The following RNF122 variants were observed in gnomAD, a reference collection of about 807,000 sequenced individuals.
RNF122 encodes the protein ring finger protein 122.
Under a neutral mutation model 24.2 loss-of-function variants are expected in RNF122, and 17 were observed. The ratio of observed to expected loss-of-function variants is 0.70; its 90% CI spans 0.48 to 1.06. The LOEUF (loss-of-function observed/expected upper bound fraction) is 1.06. RNF122 is among the 50% of genes least tolerant of loss of function. The pLI is 0.00. For missense variants in RNF122, 168 were observed against 198.1 expected, an observed-to-expected ratio of 0.85 and a Z score of 0.91; for synonymous variants, 65 against 71.8, an observed-to-expected ratio of 0.91 and a Z score of 0.48.
chr8:33,550,705 C>T (rs1263829908), intron 4 of RNF122, among the ~76,000 whole-genome samples: 1 of 152,040 alleles, frequency 6.6e-6, no homozygotes, highest in Non-Finnish European at 1.5e-5. Context: ...GATGTAGGGG[C>T]TGAACATAGG....
intron 2 of RNF122, among the ~76,000 whole-genome samples, chr8:33,557,318 C>T (rs998494459): frequency 6.6e-6 from 1 of 152,132 alleles, no homozygotes; most frequent in Middle Eastern, 3.2e-3. Context: ...CAGTCATGCT[C>T]AAAATTTTTT....
chr8:33,549,575 G>C, intron 4 of RNF122, 83 bp from the exon 5 acceptor site: 1 of 1,040,894 alleles, frequency 9.6e-7, no homozygotes, highest in Non-Finnish European at 1.5e-6. Context: ...CTAAGCTCTA[G>C]CCTAGTCTGT....
In RNF122 at chr8:33,566,575, CT is replaced by C. The variant is rs2128841261; in HGVS notation, c.25+123del. ...GTGGGGCGCCAAGACGCCTTCTCGACTGTCCCATTTCAGGAGAAACTTGGTT... is the reference window on the plus strand; with the variant it reads ...GTGGGGCGCCAAGACGCCTTCTCGACGTCCCATTTCAGGAGAAACTTGGTT... On this transcript the variant is annotated intron_variant, in intron 1 of 5. Transcript: ENST00000256257. 3 of 989,768 alleles carry C rather than the reference CT, an allele frequency of 3.0e-6. No homozygotes were observed. The East Asian group carries it at 7.9e-5, about 26-fold the overall frequency. The allele number at this position is 989,768 out of a possible 1,614,324, so 61.3% of individuals were successfully genotyped here.
chr8:33,555,043 G>A (rs1233852689), intron 2 of RNF122, among the ~76,000 whole-genome samples: 4 of 152,176 alleles, frequency 2.6e-5, no homozygotes, highest in Non-Finnish European at 4.4e-5. Context: ...CTGAGACTGT[G>A]AAACTCCAGG....
intron 2 of RNF122, among the ~76,000 whole-genome samples, chr8:33,556,104 C>G (rs191871886): frequency 7.1e-6 from 1 of 140,920 alleles, no homozygotes; most frequent in South Asian, 2.3e-4. Context: ...GGCTTGGGCC[C>G]GGGAGGTGGA....
intron 1 of RNF122, among the ~76,000 whole-genome samples, chr8:33,565,102 AG>A (rs201085751): frequency 0.014 from 2,120 of 152,258 alleles, 50 homozygotes; most frequent in African/African-American, 0.048. Flanking sequence ...AAGAAAGACC[AG>A]GGGATCTGGG....
chr8:33,561,025 G>A (rs570600374), intron 1 of RNF122, among the ~76,000 whole-genome samples: 3 of 152,136 alleles, frequency 2.0e-5, no homozygotes, highest in African/African-American at 7.2e-5. Flanking sequence ...AGGGAGAGCT[G>A]GAATTTGCTG....
chr8:33,553,152 T>TA (rs1243800648), intron 2 of RNF122, among the ~76,000 whole-genome samples: 2 of 151,430 alleles, frequency 1.3e-5, no homozygotes, highest in Admixed American at 1.3e-4. Flanking sequence ...TGATCACTTC[T>TA]AAACACAGTC....
At chr8:33,562,934 A>G (rs1233870596) in intron 1 of RNF122, among the ~76,000 whole-genome samples, 4 of 151,814 alleles carry the variant, frequency 2.6e-5, no homozygotes, top group Non-Finnish European at 5.9e-5. Context: ...TAAACAAAAC[A>G]AAACAAAAAA....
intron 5 of RNF122, 120 bp downstream of exon 5, chr8:33,549,290 G>A (rs1004051704): frequency 3.2e-5 from 25 of 792,586 alleles, no homozygotes; most frequent in East Asian, 5.0e-5. Context: ...CGGTGTTCAC[G>A]TAGGACCTGG....
At chr8:33,559,992 C>T (rs532932927) in intron 1 of RNF122, among the ~76,000 whole-genome samples, 1 of 152,026 alleles carries the variant, frequency 6.6e-6, no homozygotes, top group Non-Finnish European at 1.5e-5. Flanking sequence ...TAGGCGCACG[C>T]CACCATGCCC....
Position 33,548,816 on chromosome 8 carries a change from C to T in RNF122, c.405G>A (p.Lys135=). 1 of 1,614,050 alleles carries T rather than the reference C, an allele frequency of 6.2e-7. No homozygotes were observed. Among genetic ancestry groups the T allele is most frequent in the Non-Finnish European group, 8.5e-7 (1 of 1,180,002 alleles). The change falls in exon 6 of 6, where the codon AAG becomes AAA. Residue 135 remains lysine, a synonymous_variant. Coordinates refer to ENST00000256257, the MANE Select transcript of RNF122 (RefSeq NM_024787.3). The part of the protein sequence containing the change: ...EVRCVCPMCN[K]PIASPSEATQ... ...TGGCCTCTGAGGGACTAGCAATGGG[C>T]TTGTTACACATGGGGCAGACACAGC...
At chr8:33,548,954 C>T in intron 5 of RNF122, 87 bp from the exon 6 acceptor site, 1 of 959,444 alleles carries the variant, frequency 1.0e-6, no homozygotes, top group East Asian at 2.4e-5. Flanking sequence ...CCCGTGGTGG[C>T]TCACAACTGT....
chr8:33,556,244 A>C (rs1038750200), intron 2 of RNF122, among the ~76,000 whole-genome samples: 1 of 151,680 alleles, frequency 6.6e-6, no homozygotes, highest in Non-Finnish European at 1.5e-5. Flanking sequence ...TGATTTACGA[A>C]ATGAACTCTG....
At chr8:33,550,919 G>T in intron 4 of RNF122, 125 bp downstream of exon 4, 1 of 857,336 alleles carries the variant, frequency 1.2e-6, no homozygotes, top group Non-Finnish European at 2.0e-6. Flanking sequence ...CCATTATTTG[G>T]CCAAAGGAGA....
intron 1 of RNF122, among the ~76,000 whole-genome samples, chr8:33,564,763 T>G (rs1810595979): frequency 6.6e-6 from 1 of 151,864 alleles, no homozygotes; most frequent in African/African-American, 2.4e-5. Flanking sequence ...TCCCAGGTAC[T>G]CGGGAAGCTG....
At position 33,551,394 on chromosome 8, in the gene RNF122, GA is replaced by G. The variant is rs774501096; in HGVS notation, c.183-6del. 2.2e-5 allele frequency: 36 copies of G among 1,613,930 alleles called. No homozygotes were observed. Among genetic ancestry groups the G allele is most frequent in the Non-Finnish European group, 3.0e-5 (35 of 1,179,962 alleles). On this transcript the variant is annotated splice_polypyrimidine_tract_variant and splice_region_variant and intron_variant, in intron 2 of 5. Transcript: ENST00000256257. Reference sequence around the variant, plus strand: ...TGTGCCTGGTTCCGCAGTTTGCTGGGAGAAAGAGAAAAAAATTAGAGAAAGC... The same window carrying G: ...TGTGCCTGGTTCCGCAGTTTGCTGGGGAAAGAGAAAAAAATTAGAGAAAGC...
rs1400787079 is a variant in RNF122 at position 33,551,193 on chromosome 8, G to A, written c.229-108C>T. ...CCCCTGGACTGCCTGGGGCAAGCCG[G>A]ACTTCAGACACTGAAGGGGTTTAGC... On this transcript the variant is annotated intron_variant, in intron 3 of 5. Transcript: ENST00000256257. 7 of 1,475,164 alleles carry A rather than the reference G, an allele frequency of 4.7e-6. No homozygotes were observed. In the African/African-American group the frequency reaches 8.4e-5, roughly 18 times the overall value. 91.4% of individuals were successfully genotyped at this position (1,475,164 alleles called of 1,614,324 possible).
rs1020421650 is a variant in RNF122 at position 33,566,957 on chromosome 8, G to T, written c.-234C>A. ...AAACAAAGTCCCGCGGAGCACAGCC[G>T]CACGGAGCGCACGCGCCAAGGGCCC... On this transcript the variant is annotated 5_prime_UTR_variant, in exon 1 of 6. Transcript: ENST00000256257. The T allele has an allele frequency of 1.8e-6, 1 of 543,204 alleles. No individual in the cohort carries two copies. Among genetic ancestry groups the T allele is most frequent in the Middle Eastern group, 5.2e-4 (1 of 1,932 alleles). The allele number at this position is 543,204 out of a possible 1,614,324, so 33.6% of individuals were successfully genotyped here.
Sources: allele counts gnomAD v4.1 joint callset (sites outside exome capture counted in the v4.1 genomes callset), GRCh38; gene constraint gnomAD v4.1.1; transcripts MANE v1.5; gene names NCBI Gene and HGNC (gene_info 2026-07-23, HGNC 2026-07-21).